Variants in ERAP1 observed in about 807,000 individuals in gnomAD.
The protein encoded by ERAP1 is endoplasmic reticulum aminopeptidase 1, also known as adipocyte-derived leucine aminopeptidase.
ERAP1 carries 86 observed loss-of-function variants against 103.7 expected under a neutral mutation model. That is an observed-to-expected ratio of 0.83 (90% CI 0.70 to 0.99). ERAP1 has a LOEUF of 0.99. Ranked by LOEUF, ERAP1 falls within the 50% of genes least tolerant of loss-of-function variation. The pLI is 0.00. For missense variants in ERAP1, 1,009 were observed against 1,128.4 expected, an observed-to-expected ratio of 0.89 and a Z score of 1.52; for synonymous variants, 398 against 402.4, an observed-to-expected ratio of 0.99 and a Z score of 0.13.
chr5:96,796,386 T>C (rs181298007), intron 4 of ERAP1, among the ~76,000 whole-genome samples: 145 of 152,326 alleles, frequency 9.5e-4, no homozygotes, highest in African/African-American at 3.3e-3. Context: ...CTCTCCAGCA[T>C]TCCAGTGTAC....
At chr5:96,861,543 C>A in the ERAP1 span, among the ~76,000 whole-genome samples, 1 of 152,174 alleles carries the variant, frequency 6.6e-6, no homozygotes, top group African/African-American at 2.4e-5. Context: ...AAGCCTTAAT[C>A]AGAATTGGCA....
the ERAP1 span, among the ~76,000 whole-genome samples, chr5:96,888,075 A>G: frequency 6.6e-6 from 1 of 151,806 alleles, no homozygotes; most frequent in Non-Finnish European, 1.5e-5. Context: ...CAGTGAACTG[A>G]CATTGCACCA....
At chr5:96,875,527 C>A in the ERAP1 span, among the ~76,000 whole-genome samples, 4,921 of 129,654 alleles carry the variant, frequency 0.038, 100 homozygotes, top group South Asian at 0.076. Context: ...CAGAGTGAGA[C>A]CCTATCTCAA....
At chr5:96,912,611 C>A in the ERAP1 span, 1 of 1,566,600 alleles carries the variant, frequency 6.4e-7, no homozygotes, top group Non-Finnish European at 8.6e-7. Flanking sequence ...AAAACTTTTT[C>A]TTCATTTTTA....
chr5:96,890,952 A>G, the ERAP1 span, among the ~76,000 whole-genome samples: 1 of 152,210 alleles, frequency 6.6e-6, no homozygotes, highest in Non-Finnish European at 1.5e-5. Flanking sequence ...CTTTAAGACT[A>G]ACGGAAAAGA....
At chr5:96,840,901 T>C in the ERAP1 span, among the ~76,000 whole-genome samples, 1 of 152,134 alleles carries the variant, frequency 6.6e-6, no homozygotes, top group Non-Finnish European at 1.5e-5. Context: ...AGACAGGGTT[T>C]CACCATGTTG....
chr5:96,807,964 G>A (rs2151019918), upstream of ERAP1: 1 of 985,896 alleles, frequency 1.0e-6, no homozygotes, highest in Non-Finnish European at 1.2e-6. Context: ...GGGAGCGGCA[G>A]GCTGGCGCTG....
chr5:96,803,396 A>C lies in ERAP1; in HGVS notation c.524+7T>G. Reference sequence around the variant, plus strand: ...GCAGTTTAAAAGAAAAAGAGAAAAAAAAATACCTCAGTTCCCCTTCCTTGG... The same window carrying C: ...GCAGTTTAAAAGAAAAAGAGAAAAACAAATACCTCAGTTCCCCTTCCTTGG... On this transcript the variant is annotated splice_region_variant and intron_variant, in intron 2 of 18. Coordinates refer to ENST00000443439, the MANE Select transcript of ERAP1 (RefSeq NM_001040458.3). 2 of 1,612,602 alleles carry C rather than the reference A, an allele frequency of 1.2e-6. No individual in the cohort carries two copies. Among genetic ancestry groups the C allele is most frequent in the Non-Finnish European group, 1.7e-6 (2 of 1,179,592 alleles).
the ERAP1 span, chr5:96,823,113 G>C: frequency 1.2e-4 from 56 of 456,182 alleles, no homozygotes; most frequent in Middle Eastern, 9.7e-4. Flanking sequence ...CCCCAGCGTG[G>C]CTGCCTGCTT....
intron 18 of ERAP1, 105 bp from the exon 19 acceptor site, chr5:96,776,656 T>C (rs1374478414): frequency 2.3e-5 from 34 of 1,500,544 alleles, no homozygotes; most frequent in Non-Finnish European, 2.4e-5. Context: ...CAAAATTCTA[T>C]ATAGAAGGCA....
chr5:96,902,454 A>T, the ERAP1 span: 2 of 687,480 alleles, frequency 2.9e-6, no homozygotes, highest in South Asian at 4.0e-5. Flanking sequence ...ACAATAAAAG[A>T]TTTATATTTG....
chr5:96,816,605 C>T, the ERAP1 span, among the ~76,000 whole-genome samples: 2 of 152,152 alleles, frequency 1.3e-5, no homozygotes, highest in Admixed American at 1.3e-4. Flanking sequence ...TGGTTTTAGG[C>T]ACCTCCCACC....
chr5:96,815,480 C>T, the ERAP1 span, among the ~76,000 whole-genome samples: 4 of 140,534 alleles, frequency 2.8e-5, no homozygotes, highest in Non-Finnish European at 4.6e-5. Context: ...GGTGTGATCT[C>T]GGCTCACAGC....
the ERAP1 span, chr5:96,903,256 C>T: frequency 9.2e-5 from 68 of 737,746 alleles, no homozygotes; most frequent in East Asian, 1.8e-3. Context: ...ATCATTATGA[C>T]TCTCCCCAAA....
At chr5:96,886,681 T>A in the ERAP1 span, 1 of 1,550,014 alleles carries the variant, frequency 6.5e-7, no homozygotes, top group Non-Finnish European at 8.8e-7. Flanking sequence ...TTGAAGGAGG[T>A]CTTTTGGAAG....
chr5:96,829,137 C>T, the ERAP1 span, among the ~76,000 whole-genome samples: 3 of 152,236 alleles, frequency 2.0e-5, no homozygotes, highest in Non-Finnish European at 2.9e-5. Context: ...TCAGCCATCA[C>T]GTCAGCCTAT....
chr5:96,804,774 C>A (rs557422125), intron 1 of ERAP1: 1 of 152,068 alleles, frequency 6.6e-6, no homozygotes, highest in Non-Finnish European at 1.5e-5. Context: ...GGCGAAATCC[C>A]GTCTCTACTA....
chr5:96,795,133 T>A lies in ERAP1; in HGVS notation c.828A>T (p.Ile276=), dbSNP rs26618. The change falls in exon 5 of 19, where the codon ATA becomes ATT. Residue 276 remains isoleucine, a synonymous_variant. Coordinates refer to ENST00000443439, the MANE Select transcript of ERAP1 (RefSeq NM_001040458.3). ...KVSVYAVPDK[I]NQADYALDAA... ...CATCCAGTGCATAATCTGCTTGATT[T>A]ATCTTGTCTGGCACAGCATAAACAG... The A allele has an allele frequency of 1.2e-6, 2 of 1,613,604 alleles. No individual in the cohort carries two copies. The highest frequency in any genetic ancestry group is 1.7e-6 in the Non-Finnish European group (2 of 1,179,902).
chr5:96,768,163 G>A (rs954393474), intron 19 of ERAP1, among the ~76,000 whole-genome samples: 16 of 152,112 alleles, frequency 1.1e-4, no homozygotes, highest in African/African-American at 3.9e-4. Context: ...AGCTTACTGC[G>A]ATCTCTGCTT....
Sources: gnomAD v4.1 joint callset for allele counts (sites outside exome capture counted in the v4.1 genomes callset) on GRCh38, gnomAD v4.1.1 for gene constraint, MANE v1.5 for transcripts, NCBI Gene and HGNC (gene_info 2026-07-23, HGNC 2026-07-21) for gene names.